MCC: variants seen among roughly 807,000 people sequenced by gnomAD.
MCC encodes colorectal mutant cancer protein.
MCC carries 90 observed loss-of-function variants against 116.2 expected under a neutral mutation model. The observed-to-expected ratio is 0.77, with a 90% confidence interval of 0.65 to 0.92. MCC has a LOEUF of 0.92. MCC is among the 40% of genes least tolerant of loss of function. MCC has a pLI of 0.00. For synonymous variants in MCC, 578 were observed against 510.5 expected, an observed-to-expected ratio of 1.13 and a Z score of -1.78; for missense variants, 1,516 against 1,312.2, an observed-to-expected ratio of 1.16 and a Z score of -2.40.
At chr5:113,116,200 T>C (rs552455373) in intron 6 of MCC, among the ~76,000 whole-genome samples, 1 of 152,314 alleles carries the variant, frequency 6.6e-6, no homozygotes, top group South Asian at 2.1e-4. Flanking sequence ...ACCCTCATGC[T>C]AACAGGAGTG....
intron 5 of MCC, among the ~76,000 whole-genome samples, chr5:113,136,256 T>A (rs990850015): frequency 4.6e-5 from 7 of 152,198 alleles, no homozygotes; most frequent in African/African-American, 1.7e-4. Flanking sequence ...CTGGTTAGAA[T>A]TCTTTATTTA....
At chr5:113,221,830 G>A (rs1035426416) in intron 3 of MCC, among the ~76,000 whole-genome samples, 1 of 150,486 alleles carries the variant, frequency 6.6e-6, no homozygotes, top group African/African-American at 2.5e-5. Context: ...TTAAAACTGT[G>A]ATCCTCGAAC....
chr5:113,120,138 G>C (rs1390706698), intron 6 of MCC, among the ~76,000 whole-genome samples: 2 of 152,202 alleles, frequency 1.3e-5, no homozygotes, highest in Admixed American at 6.5e-5. Context: ...GCAATTTCTA[G>C]GCTGTTTAAA....
intron 3 of MCC, among the ~76,000 whole-genome samples, chr5:113,257,088 A>G (rs1203475016): frequency 3.9e-5 from 6 of 152,124 alleles, no homozygotes; most frequent in Admixed American, 6.6e-5. Flanking sequence ...TTTCCCCTCT[A>G]ACTTATCAGT....
intron 3 of MCC, among the ~76,000 whole-genome samples, chr5:113,209,504 TC>T (rs1314064113): frequency 3.6e-4 from 55 of 152,200 alleles, no homozygotes; most frequent in Non-Finnish European, 1.2e-4. Flanking sequence ...TTTTGACCTA[TC>T]CTGATTTCCG....
intron 14 of MCC, among the ~76,000 whole-genome samples, chr5:113,055,388 GA>G (rs1451928808): frequency 2.6e-5 from 4 of 152,170 alleles, no homozygotes; most frequent in African/African-American, 9.7e-5. Context: ...CCACAGCCTA[GA>G]CATGAGTGAG....
chr5:113,210,749 T>C (rs910985936), intron 3 of MCC, among the ~76,000 whole-genome samples: 4 of 152,202 alleles, frequency 2.6e-5, no homozygotes, highest in African/African-American at 9.7e-5. Context: ...TGAACAATAA[T>C]TTACTTTGAA....
intron 13 of MCC, among the ~76,000 whole-genome samples, chr5:113,067,021 T>C (rs1472670240): frequency 6.6e-6 from 1 of 152,236 alleles, no homozygotes; most frequent in Non-Finnish European, 1.5e-5. Flanking sequence ...GCACTGTTTC[T>C]ACTGCAGTCC....
intron 3 of MCC, among the ~76,000 whole-genome samples, chr5:113,228,566 A>G (rs1022354989): frequency 6.6e-6 from 1 of 152,198 alleles, no homozygotes. Context: ...CAGCAAAAAC[A>G]AGAAGGAAGG....
intron 8 of MCC, among the ~76,000 whole-genome samples, chr5:113,093,332 A>C (rs547129471): frequency 2.4e-4 from 36 of 152,286 alleles, no homozygotes; most frequent in African/African-American, 8.2e-4. Context: ...CTACTCAGGC[A>C]GCTTGCTATG....
chr5:113,109,516 C>T (rs888871367), intron 6 of MCC, among the ~76,000 whole-genome samples: 2 of 151,976 alleles, frequency 1.3e-5, no homozygotes, highest in Non-Finnish European at 2.9e-5. Flanking sequence ...GGAGTTATTG[C>T]TTAACGGGTA....
intron 3 of MCC, among the ~76,000 whole-genome samples, chr5:113,251,122 G>A (rs538449954): frequency 6.6e-6 from 1 of 152,166 alleles, no homozygotes; most frequent in African/African-American, 2.4e-5. Flanking sequence ...GGAAAATAAA[G>A]TCACCCAGTC....
chr5:113,374,049 C>A lies in MCC; in HGVS notation c.415+10919G>T, dbSNP rs937222472. Among the ~76,000 whole-genome samples, 6 of 151,922 alleles carry A rather than the reference C, an allele frequency of 3.9e-5. No homozygotes were observed. The South Asian group carries it at 1.2e-3, about 32-fold the overall frequency. On this transcript the variant is annotated intron_variant, in intron 2 of 18. Transcript: ENST00000408903. ...GTAGCTGGGACCACAGGCCCACAGG[C>A]GCATGCCACCACGCCTGGCTAATTT...
At chr5:113,374,805 A>G (rs1247604196) in intron 2 of MCC, among the ~76,000 whole-genome samples, 1 of 151,954 alleles carries the variant, frequency 6.6e-6, no homozygotes, top group East Asian at 1.9e-4. Flanking sequence ...AGCCTGGGCA[A>G]CATGGTGAAA....
chr5:113,387,974 A>G (rs1769309714), intron 1 of MCC, among the ~76,000 whole-genome samples: 2 of 152,200 alleles, frequency 1.3e-5, no homozygotes, highest in Admixed American at 1.3e-4. Context: ...CTACCTCACT[A>G]AGTGGTACAA....
intron 3 of MCC, among the ~76,000 whole-genome samples, chr5:113,243,354 A>G (rs1230873999): frequency 6.6e-6 from 1 of 152,278 alleles, no homozygotes; most frequent in East Asian, 1.9e-4. Flanking sequence ...CAGCTATAGG[A>G]TACTACTTGT....
intron 4 of MCC, 111 bp from the exon 5 acceptor site, chr5:113,143,471 C>T: frequency 8.7e-7 from 1 of 1,144,228 alleles, no homozygotes; most frequent in Non-Finnish European, 1.3e-6. Flanking sequence ...TGAGTATGCC[C>T]CAAATAAAAT....
rs925431786 is a variant in MCC, at chr5:113,025,991, A to C, written c.*1311T>G. 1 of 152,238 alleles carries C rather than the reference A, an allele frequency of 6.6e-6. No homozygotes were observed. Among genetic ancestry groups the C allele is most frequent in the Admixed American group, 6.5e-5 (1 of 15,284 alleles). 9.4% of individuals were successfully genotyped at this position (152,238 alleles called of 1,614,324 possible). On this transcript the variant is annotated 3_prime_UTR_variant, in exon 19 of 19. Transcript: ENST00000408903. ...GGATGGATTCTCTGGTGCTACAGAA[A>C]AAAACAGTAAATGGTCCTTCAAGTG... is the stretch of plus-strand genomic sequence containing the variant.
rs1404852635 is a variant in MCC, at chr5:113,024,008, C to A, written c.*3294G>T. 1 of 150,210 alleles carries A rather than the reference C, an allele frequency of 6.7e-6. No individual in the cohort carries two copies. Among genetic ancestry groups the A allele is most frequent in the African/African-American group, 2.5e-5 (1 of 40,144 alleles). 9.3% of individuals were successfully genotyped at this position (150,210 alleles called of 1,614,324 possible). A position where few individuals can be genotyped will look rare whatever the true frequency, so the allele number is the denominator to read the frequency against. Reference sequence around the variant, plus strand: ...CTGTATCCAGTTAGGAACCAGAAGACTTTCAGATAGTTTCATGTTTTCCTT... The same window carrying A: ...CTGTATCCAGTTAGGAACCAGAAGAATTTCAGATAGTTTCATGTTTTCCTT... On this transcript the variant is annotated 3_prime_UTR_variant, in exon 19 of 19. Coordinates refer to ENST00000408903, the MANE Select transcript of MCC (RefSeq NM_001085377.2).
Sources: gnomAD v4.1 joint callset for allele counts (sites outside exome capture counted in the v4.1 genomes callset) on GRCh38, gnomAD v4.1.1 for gene constraint, MANE v1.5 for transcripts, NCBI Gene and HGNC (gene_info 2026-07-23, HGNC 2026-07-21) for gene names.